UNC13C: variants seen among roughly 807,000 people sequenced by gnomAD.
The protein encoded by UNC13C is protein unc-13 homolog C.
Under a neutral mutation model 245.4 loss-of-function variants are expected in UNC13C, and 174 were observed. The ratio of observed to expected loss-of-function variants is 0.71; its 90% CI spans 0.63 to 0.80. The LOEUF (loss-of-function observed/expected upper bound fraction) is 0.80. UNC13C is among the 30% of genes least tolerant of loss of function. The pLI, the probability that UNC13C is intolerant of heterozygous loss-of-function variation, is 0.00. For synonymous variants in UNC13C, 992 were observed against 895.1 expected (o/e 1.11, Z -1.93); for missense variants, 2,829 against 2,602.9 (o/e 1.09, Z -1.89).
At chr15:54,071,496 C>T (rs979486304) in intron 2 of UNC13C, among the ~76,000 whole-genome samples, 2 of 152,012 alleles carry the variant, frequency 1.3e-5, no homozygotes, top group Admixed American at 6.6e-5. Flanking sequence ...AACTTTCAAG[C>T]ATGCAGAGGT....
intron 30 of UNC13C, among the ~76,000 whole-genome samples, chr15:54,603,555 G>A (rs1899572484): frequency 6.6e-6 from 1 of 152,058 alleles, no homozygotes; most frequent in Non-Finnish European, 1.5e-5. Flanking sequence ...CCATTCACAT[G>A]TGGATAGGAA....
chr15:54,254,638 T>G (rs1170820200), intron 8 of UNC13C, among the ~76,000 whole-genome samples: 2 of 152,230 alleles, frequency 1.3e-5, no homozygotes, highest in East Asian at 3.8e-4. Context: ...CTCAGTCTAC[T>G]GCTTTGGCTG....
At chr15:54,219,905 C>T (rs986041217) in intron 4 of UNC13C, among the ~76,000 whole-genome samples, 1 of 151,812 alleles carries the variant, frequency 6.6e-6, no homozygotes, top group Admixed American at 6.6e-5. Context: ...GATACCAACT[C>T]ACACCAGTTA....
chr15:54,060,550 G>A (rs1566982507), intron 2 of UNC13C, among the ~76,000 whole-genome samples: 3 of 152,242 alleles, frequency 2.0e-5, no homozygotes. Flanking sequence ...CATTGTGGAA[G>A]TCGGTGTGGT....
At chr15:54,619,987 T>C (rs1250449896) in intron 30 of UNC13C, among the ~76,000 whole-genome samples, 6 of 152,172 alleles carry the variant, frequency 3.9e-5, no homozygotes, top group Admixed American at 3.3e-4. Flanking sequence ...ATCAATACTT[T>C]CTAGCCCATT....
chr15:54,329,960 G>A (rs2038396209), intron 14 of UNC13C, among the ~76,000 whole-genome samples: 1 of 152,012 alleles, frequency 6.6e-6, no homozygotes, highest in Non-Finnish European at 1.5e-5. Flanking sequence ...GTCCACAGAG[G>A]TAGGGAATTC....
chr15:54,437,382 G>A (rs1404521574), intron 19 of UNC13C, among the ~76,000 whole-genome samples: 1 of 151,888 alleles, frequency 6.6e-6, no homozygotes, highest in Non-Finnish European at 1.5e-5. Flanking sequence ...CTCAACAGAT[G>A]CTCTAAAATT....
At chr15:54,194,261 A>G (rs2034281684) in intron 4 of UNC13C, among the ~76,000 whole-genome samples, 1 of 152,142 alleles carries the variant, frequency 6.6e-6, no homozygotes, top group African/African-American at 2.4e-5. Flanking sequence ...AGGTACTTCA[A>G]GGTTCTTAGG....
At chr15:54,104,170 C>G (rs550614221) in intron 2 of UNC13C, among the ~76,000 whole-genome samples, 1 of 152,358 alleles carries the variant, frequency 6.6e-6, no homozygotes, top group South Asian at 2.1e-4. Context: ...CTTCATTGCT[C>G]TTCCTGGGAC....
intron 2 of UNC13C, among the ~76,000 whole-genome samples, chr15:54,075,428 G>A (rs1235923382): frequency 1.6e-5 from 1 of 63,508 alleles, no homozygotes; most frequent in Non-Finnish European, 2.9e-5. Context: ...AGCTTGCAGT[G>A]AGCCGGAGCT....
chr15:54,499,716 GGGTAGAAGCTATAT>G (rs1331374424), intron 20 of UNC13C, among the ~76,000 whole-genome samples: 5 of 152,144 alleles, frequency 3.3e-5, no homozygotes, highest in Non-Finnish European at 7.3e-5. Flanking sequence ...TAGTGTGAAT[GGGTAGAAGCTATAT>G]GGCAAAGAAT....
chr15:53,953,438 C>T, the UNC13C span, among the ~76,000 whole-genome samples: 1 of 152,176 alleles, frequency 6.6e-6, no homozygotes, highest in East Asian at 1.9e-4. Flanking sequence ...CAATTCAACC[C>T]TAAGGACTCT....
intron 8 of UNC13C, among the ~76,000 whole-genome samples, chr15:54,255,222 CA>C (rs1165411976): frequency 6.6e-6 from 1 of 152,132 alleles, no homozygotes; most frequent in Non-Finnish European, 1.5e-5. Context: ...ATCGCAAGGA[CA>C]GAGGGCTTTC....
intron 10 of UNC13C, among the ~76,000 whole-genome samples, chr15:54,272,868 G>T (rs187608937): frequency 6.6e-6 from 1 of 152,180 alleles, no homozygotes; most frequent in African/African-American, 2.4e-5. Flanking sequence ...TAAACTTAGG[G>T]TCACCAAAGA....
intron 2 of UNC13C, among the ~76,000 whole-genome samples, chr15:54,078,047 C>T (rs1898732067): frequency 6.6e-6 from 1 of 152,126 alleles, no homozygotes; most frequent in Non-Finnish European, 1.5e-5. Flanking sequence ...CATTGTTTAG[C>T]TCCCACTTAT....
At chr15:54,235,534 C>G (rs2035670983) in intron 5 of UNC13C, among the ~76,000 whole-genome samples, 1 of 152,186 alleles carries the variant, frequency 6.6e-6, no homozygotes, top group Non-Finnish European at 1.5e-5. Flanking sequence ...TTAATCAACT[C>G]TTCATTTTAT....
intron 2 of UNC13C, among the ~76,000 whole-genome samples, chr15:54,076,232 A>T (rs938208463): frequency 5.4e-5 from 8 of 148,560 alleles, no homozygotes; most frequent in Non-Finnish European, 1.0e-4. Context: ...AGCATTAGGT[A>T]TATCGCCCAA....
At chr15:54,047,969 T>G (rs1443113728) in intron 2 of UNC13C, among the ~76,000 whole-genome samples, 2 of 152,182 alleles carry the variant, frequency 1.3e-5, no homozygotes, top group African/African-American at 2.4e-5. Context: ...AATATTTTGC[T>G]AATTATTGGT....
At chr15:54,190,778 G>T (rs143776813) in intron 4 of UNC13C, among the ~76,000 whole-genome samples, 1 of 151,798 alleles carries the variant, frequency 6.6e-6, no homozygotes, top group African/African-American at 2.4e-5. Flanking sequence ...GCTTTTAAAC[G>T]TAACATTTTA....
Sources: allele counts gnomAD v4.1 joint callset (sites outside exome capture counted in the v4.1 genomes callset), GRCh38; gene constraint gnomAD v4.1.1; transcripts MANE v1.5; gene names NCBI Gene and HGNC (gene_info 2026-07-23, HGNC 2026-07-21).